DLG1: variants seen among roughly 807,000 people sequenced by gnomAD.
DLG1 encodes disks large homolog 1.
DLG1 carries 42 observed loss-of-function variants against 123.4 expected under a neutral mutation model. The ratio of observed to expected loss-of-function variants is 0.34; its 90% CI spans 0.27 to 0.44. DLG1 has a LOEUF of 0.44. Among genes scored for constraint, DLG1 ranks in the 20% least tolerant of loss-of-function variants. The probability of loss-of-function intolerance (pLI) is 1.00; values close to 1 mark genes in which losing one functional copy is unlikely to be tolerated. For synonymous variants in DLG1, 317 were observed against 356.2 expected, an observed-to-expected ratio of 0.89 and a Z score of 1.24; for missense variants, 942 against 1,082.6, an observed-to-expected ratio of 0.87 and a Z score of 1.82.
intron 4 of DLG1, among the ~76,000 whole-genome samples, chr3:197,198,905 A>T (rs541685523): frequency 6.6e-6 from 1 of 152,310 alleles, no homozygotes; most frequent in African/African-American, 2.4e-5. Flanking sequence ...AGACCCAGCA[A>T]TTTCACTCAA....
At chr3:197,163,524 AT>A (rs59011566) in intron 5 of DLG1, among the ~76,000 whole-genome samples, 1,675 of 140,310 alleles carry the variant, frequency 0.012, 10 homozygotes, top group African/African-American at 0.025. Flanking sequence ...AATGGGTATG[AT>A]TTTTTTTTTT....
At chr3:197,164,352 G>C (rs2149935975) in intron 5 of DLG1, among the ~76,000 whole-genome samples, 1 of 152,080 alleles carries the variant, frequency 6.6e-6, no homozygotes, top group East Asian at 1.9e-4. Context: ...AGCCTAGATT[G>C]CGCCATTGCA....
intron 6 of DLG1, among the ~76,000 whole-genome samples, chr3:197,147,298 C>A (rs1254169969): frequency 1.3e-5 from 2 of 152,098 alleles, no homozygotes; most frequent in East Asian, 3.8e-4. Context: ...GGTATCTACA[C>A]AGAGGAAAAT....
intron 5 of DLG1, 64 bp from the exon 6 acceptor site, chr3:197,149,860 T>C: frequency 1.0e-6 from 1 of 953,668 alleles, no homozygotes; most frequent in East Asian, 2.5e-5. Flanking sequence ...ATGTTCACAA[T>C]GTTAGAGGCA....
At chr3:197,295,283 C>T (rs1270622063) in intron 3 of DLG1, among the ~76,000 whole-genome samples, 3 of 152,000 alleles carry the variant, frequency 2.0e-5, no homozygotes, top group South Asian at 2.1e-4. Flanking sequence ...ATTCTAAAAC[C>T]GTAGAGAGCA....
intron 4 of DLG1, among the ~76,000 whole-genome samples, chr3:197,245,527 A>G (rs1321726194): frequency 6.6e-6 from 1 of 152,182 alleles, no homozygotes; most frequent in Non-Finnish European, 1.5e-5. Flanking sequence ...TTGTTTTGCT[A>G]GAGTATAAAT....
chr3:197,116,978 T>C (rs1773637683), intron 12 of DLG1, among the ~76,000 whole-genome samples: 1 of 152,184 alleles, frequency 6.6e-6, no homozygotes, highest in Non-Finnish European at 1.5e-5. Flanking sequence ...TGAATTAGAA[T>C]TTTATATTAG....
At chr3:197,070,457 T>A (rs1578499416) in intron 18 of DLG1, 1 of 151,384 alleles carries the variant, frequency 6.6e-6, no homozygotes, top group East Asian at 1.9e-4. Context: ...GTCTCAACTA[T>A]GTTGCCCACA....
intron 22 of DLG1, among the ~76,000 whole-genome samples, chr3:197,060,536 T>A (rs1271922189): frequency 6.6e-6 from 1 of 152,128 alleles, no homozygotes; most frequent in Non-Finnish European, 1.5e-5. Flanking sequence ...AACCCTAGAG[T>A]AAGGGCAAAC....
chr3:197,298,063 G>A (rs1339598305), intron 1 of DLG1: 2 of 408,778 alleles, frequency 4.9e-6, no homozygotes, highest in African/African-American at 2.2e-5. Context: ...CCCCACCCCC[G>A]GAACCTCGCC....
At chr3:197,096,741 TACTC>T (rs992491722) in intron 14 of DLG1, among the ~76,000 whole-genome samples, 9 of 152,256 alleles carry the variant, frequency 5.9e-5, no homozygotes, top group African/African-American at 7.2e-5. Context: ...TTCTTCGACA[TACTC>T]TATCATTTTT....
rs1780641798 is a variant in DLG1, at chr3:197,127,954, G to A, written c.1165+2573C>T. Among the ~76,000 whole-genome samples the A allele has an allele frequency of 2.0e-5, 3 of 152,142 alleles. No individual in the cohort carries two copies. In the South Asian group the frequency reaches 6.2e-4, roughly 32 times the overall value. On this transcript the variant is annotated intron_variant, in intron 11 of 24. Coordinates refer to ENST00000667157, the MANE Select transcript of DLG1 (RefSeq NM_001366207.1). ...TAGCAATCATCTCAGCCTTCAGCAA[G>A]TTATAATGTTTTTGCTGGTGGAGCA...
chr3:197,060,281 A>G (rs1351203173), intron 22 of DLG1, among the ~76,000 whole-genome samples: 1 of 152,214 alleles, frequency 6.6e-6, no homozygotes, highest in Non-Finnish European at 1.5e-5. Context: ...GGTGAAAAAT[A>G]GAGCTCCCCC....
intron 4 of DLG1, among the ~76,000 whole-genome samples, chr3:197,268,075 A>G (rs1762439460): frequency 6.6e-6 from 1 of 152,212 alleles, no homozygotes; most frequent in African/African-American, 2.4e-5. Context: ...TTTGCAATAA[A>G]CATGTATCAC....
At chr3:197,298,249 G>T (rs990038165) in intron 1 of DLG1, 2 of 353,300 alleles carry the variant, frequency 5.7e-6, no homozygotes, top group Non-Finnish European at 1.0e-5. Context: ...GGGTTGGAAG[G>T]GGGAGGCGGG....
intron 14 of DLG1, among the ~76,000 whole-genome samples, chr3:197,096,842 C>A (rs933301744): frequency 2.0e-5 from 3 of 152,194 alleles, no homozygotes; most frequent in African/African-American, 7.2e-5. Flanking sequence ...AGACATTACG[C>A]TAATCCTTAT....
intron 4 of DLG1, among the ~76,000 whole-genome samples, chr3:197,246,063 C>T (rs991141735): frequency 1.3e-5 from 2 of 152,026 alleles, no homozygotes; most frequent in Non-Finnish European, 2.9e-5. Context: ...ATAAATAGTT[C>T]CTTCTTGATT....
intron 6 of DLG1, among the ~76,000 whole-genome samples, chr3:197,145,023 A>T (rs139742958): frequency 2.8e-3 from 421 of 149,094 alleles, no homozygotes; most frequent in Non-Finnish European, 4.7e-3. Context: ...TATGTTGACC[A>T]GGAGCTCGCT....
intron 18 of DLG1, among the ~76,000 whole-genome samples, chr3:197,075,058 T>C (rs1746301076): frequency 6.6e-6 from 1 of 151,988 alleles, no homozygotes; most frequent in Admixed American, 6.6e-5. Context: ...GTTTGGTAAA[T>C]TTTCAGTTAA....
Sources: gnomAD v4.1 joint callset for allele counts (sites outside exome capture counted in the v4.1 genomes callset) on GRCh38, gnomAD v4.1.1 for gene constraint, MANE v1.5 for transcripts, NCBI Gene and HGNC (gene_info 2026-07-23, HGNC 2026-07-21) for gene names.